RASGRF1: variants seen among roughly 807,000 people sequenced by gnomAD.
The protein encoded by RASGRF1 is ras-specific guanine nucleotide-releasing factor 1.
RASGRF1 carries 40 observed loss-of-function variants against 138.7 expected under a neutral mutation model. The ratio of observed to expected loss-of-function variants is 0.29; its 90% CI spans 0.22 to 0.38. RASGRF1 has a LOEUF of 0.38. RASGRF1 is among the 10% of genes least tolerant of loss of function. The probability of loss-of-function intolerance (pLI) is 1.00; values close to 1 mark genes in which losing one functional copy is unlikely to be tolerated. For missense variants in RASGRF1, 1,108 were observed against 1,650.4 expected (o/e 0.67, Z 5.69); for synonymous variants, 614 against 663.2 (o/e 0.93, Z 1.14).
At chr15:79,064,265 G>T (rs1250715748) in intron 2 of RASGRF1, among the ~76,000 whole-genome samples, 155 bp downstream of exon 2, 1 of 152,180 alleles carries the variant, frequency 6.6e-6, no homozygotes, top group Non-Finnish European at 1.5e-5. Context: ...AGAGGTGCAG[G>T]ATGTAAGGGT....
At chr15:79,072,265 A>ATTTTTTTTTTTTTTTTTTTTT (rs1567614777) in intron 1 of RASGRF1, among the ~76,000 whole-genome samples, 1 of 46,658 alleles carries the variant, frequency 2.1e-5, no homozygotes, top group Non-Finnish European at 4.8e-5. Flanking sequence ...TTGATAAACA[A>ATTTTTTTTTTTTTTTTTTTTT]TCTTTTTTTT....
At chr15:78,991,312 G>A (rs1406083306) in intron 21 of RASGRF1, among the ~76,000 whole-genome samples, 2 of 152,324 alleles carry the variant, frequency 1.3e-5, no homozygotes, top group African/African-American at 4.8e-5. Flanking sequence ...CAAAGTCCAC[G>A]CCTGTCCCCT....
chr15:79,012,360 C>G (rs1252978231), intron 13 of RASGRF1: 1 of 707,860 alleles, frequency 1.4e-6, no homozygotes, highest in Non-Finnish European at 2.5e-6. Context: ...ATCTATCACT[C>G]ATCTTCTGGA....
At chr15:79,053,912 C>T (rs1303988938) in intron 3 of RASGRF1, among the ~76,000 whole-genome samples, 1 of 152,174 alleles carries the variant, frequency 6.6e-6, no homozygotes, top group Non-Finnish European at 1.5e-5. Flanking sequence ...CAGAGCTGGT[C>T]ATGAAAAAAG....
At position 79,022,396 on chromosome 15, in the gene RASGRF1, C is replaced by T. The variant is rs571921339; in HGVS notation, c.1543-2292G>A. ...CAGAGGTTGCAGTGAGCCGAGATTG[C>T]GCCATTACACTCCAGCCTGGGTGAC... On this transcript the variant is annotated intron_variant, in intron 10 of 26. Transcript: ENST00000558480. Among the ~76,000 whole-genome samples the T allele has an allele frequency of 5.3e-5, 8 of 152,118 alleles. 1 individual carries two copies. In the South Asian group the frequency reaches 6.2e-4, roughly 12 times the overall value.
At chr15:78,972,119 G>A (rs541347197) in intron 25 of RASGRF1, among the ~76,000 whole-genome samples, 185 bp from the exon 26 acceptor site, 8 of 152,088 alleles carry the variant, frequency 5.3e-5, no homozygotes, top group Non-Finnish European at 8.8e-5. Flanking sequence ...TTTTTGAGAT[G>A]GAGTCTCACT....
At position 78,960,663 on chromosome 15, in the gene RASGRF1, C is replaced by A. The variant is rs1442164069; in HGVS notation, c.*1481G>T. 2.0e-5 allele frequency: 3 copies of A among 152,254 alleles called. No homozygotes were observed. The highest frequency in any genetic ancestry group is 4.1e-4 in the South Asian group (2 of 4,832). 9.4% of individuals were successfully genotyped at this position (152,254 alleles called of 1,614,324 possible). On this transcript the variant is annotated 3_prime_UTR_variant, in exon 27 of 27. Coordinates refer to ENST00000558480, the MANE Select transcript of RASGRF1 (RefSeq NM_001145648.3). ...TCCAAATAAGAACTGACAGCTGGACCCAGTCAACCCATAGAACTGTGAAAG... is the reference window on the plus strand; with the variant it reads ...TCCAAATAAGAACTGACAGCTGGACACAGTCAACCCATAGAACTGTGAAAG...
intron 1 of RASGRF1, among the ~76,000 whole-genome samples, chr15:79,069,701 G>C (rs1333454550): frequency 6.6e-6 from 1 of 152,176 alleles, no homozygotes; most frequent in Non-Finnish European, 1.5e-5. Context: ...GGAAGTCAAA[G>C]ATTTGGGGGA....
intron 1 of RASGRF1, among the ~76,000 whole-genome samples, chr15:79,084,915 C>A (rs562323817): frequency 6.6e-6 from 1 of 152,146 alleles, no homozygotes; most frequent in Non-Finnish European, 1.5e-5. Flanking sequence ...CAATTTTCCA[C>A]GTGAGTGTCT....
intron 3 of RASGRF1, among the ~76,000 whole-genome samples, chr15:79,052,427 C>T (rs2057445272): frequency 6.6e-6 from 1 of 152,218 alleles, no homozygotes; most frequent in African/African-American, 2.4e-5. Context: ...CCCTGCTTCC[C>T]TCTGCCCCCA....
intron 24 of RASGRF1, among the ~76,000 whole-genome samples, chr15:78,975,805 C>G (rs2055859215): frequency 6.6e-6 from 1 of 152,178 alleles, no homozygotes. Context: ...CAGGTGTGAG[C>G]CACTGTGCCC....
intron 4 of RASGRF1, among the ~76,000 whole-genome samples, chr15:79,047,503 A>G (rs1301536779): frequency 6.6e-6 from 1 of 152,188 alleles, no homozygotes; most frequent in Non-Finnish European, 1.5e-5. Context: ...CAGAAGTTTA[A>G]ATTAAAGCTC....
chr15:79,080,910 T>C (rs1046309212), intron 1 of RASGRF1, among the ~76,000 whole-genome samples: 1 of 152,182 alleles, frequency 6.6e-6, no homozygotes, highest in African/African-American at 2.4e-5. Flanking sequence ...AAATAGACAC[T>C]CAATTGGTAT....
chr15:79,064,458 T>A lies in RASGRF1; in HGVS notation c.345A>T (p.Lys115Asn), dbSNP rs764036380. ...TGGCTGCCACCCATTCGTCACAATC[T>A]TTTGCGTCCTCTGTCCTCAGCTCCA... ...KALELRTEDAKDCDEWVAAIA... is the reference protein window; with the variant it reads ...KALELRTEDANDCDEWVAAIA... Residue 115 changes from lysine (K) to asparagine (N), a missense_variant, in exon 2 of 27, where the codon AAA (lysine) becomes AAT (asparagine). By Grantham distance (94) the Lys-to-Asn change is moderately conservative. Coordinates refer to ENST00000558480, the MANE Select transcript of RASGRF1 (RefSeq NM_001145648.3). 6.2e-7 allele frequency: 1 copy of A among 1,614,204 alleles called. No homozygotes were observed. Among genetic ancestry groups the A allele is most frequent in the Non-Finnish European group, 8.5e-7 (1 of 1,180,034 alleles).
intron 2 of RASGRF1, among the ~76,000 whole-genome samples, chr15:79,059,769 A>G (rs1273520164): frequency 6.6e-6 from 1 of 152,208 alleles, no homozygotes; most frequent in African/African-American, 2.4e-5. Context: ...GAGGCATCCC[A>G]TAATACCAGA....
At chr15:79,017,694 C>G (rs2056899612) in intron 12 of RASGRF1, 76 bp downstream of exon 12, 3 of 1,481,316 alleles carry the variant, frequency 2.0e-6, no homozygotes, top group Non-Finnish European at 2.7e-6. Flanking sequence ...CACCCCCTAC[C>G]TGCCACCAGC....
rs147280379 is a variant in RASGRF1, at chr15:79,063,368, G to A, written c.383+1052C>T. On this transcript the variant is annotated intron_variant, in intron 2 of 26. Coordinates refer to ENST00000558480, the MANE Select transcript of RASGRF1 (RefSeq NM_001145648.3). Reference sequence around the variant, plus strand: ...TGCTATAGTCATAATAAGGGCTTCTGGTTAACTAGTCTGACCCAAGGCTCA... The same window carrying A: ...TGCTATAGTCATAATAAGGGCTTCTAGTTAACTAGTCTGACCCAAGGCTCA... Among the ~76,000 whole-genome samples, 902 of 152,264 alleles carry A rather than the reference G, an allele frequency of 5.9e-3. 13 individuals carry two copies. The highest frequency in any genetic ancestry group is 0.021 in the African/African-American group (868 of 41,538).
intron 8 of RASGRF1, among the ~76,000 whole-genome samples, chr15:79,029,009 A>G (rs1204560017): frequency 6.6e-6 from 1 of 152,260 alleles, no homozygotes; most frequent in Non-Finnish European, 1.5e-5. Flanking sequence ...CGTGCATGCT[A>G]TGCCATGCCT....
intron 1 of RASGRF1, among the ~76,000 whole-genome samples, chr15:79,074,960 C>T (rs990918359): frequency 2.0e-5 from 3 of 152,194 alleles, no homozygotes; most frequent in Non-Finnish European, 4.4e-5. Flanking sequence ...GCGAGAAATA[C>T]TCGCAGAATC....
Sources: gnomAD v4.1 joint callset for allele counts (sites outside exome capture counted in the v4.1 genomes callset) on GRCh38, gnomAD v4.1.1 for gene constraint, MANE v1.5 for transcripts, NCBI Gene and HGNC (gene_info 2026-07-23, HGNC 2026-07-21) for gene names.